The following MORN2 variants were observed in gnomAD, a reference collection of about 807,000 sequenced individuals.
MORN2 encodes the protein MORN repeat-containing protein 2.
In MORN2, 15 loss-of-function variants were observed where a neutral mutation model predicts 13.4. The ratio of observed to expected loss-of-function variants is 1.12; its 90% confidence interval spans 0.75 to 1.72. The LOEUF (loss-of-function observed/expected upper bound fraction) is 1.72. Among genes scored for constraint, MORN2 ranks in the 40% most tolerant of loss-of-function variants. The pLI is 0.00. For synonymous variants in MORN2, 46 were observed against 43.6 expected (o/e 1.06, Z -0.22); for missense variants, 168 against 134.6 (o/e 1.25, Z -1.23).
chr2:38,881,324 C>A, intron 3 of MORN2, 118 bp from the exon 4 acceptor site: 1 of 823,438 alleles, frequency 1.2e-6, no homozygotes, highest in Non-Finnish European at 1.9e-6. Context: ...AAATAAAGGA[C>A]AATACAAAGT....
intron 3 of MORN2, 88 bp downstream of exon 3, chr2:38,880,794 C>A (rs1350002538): frequency 7.2e-7 from 1 of 1,392,308 alleles, no homozygotes; most frequent in East Asian, 2.5e-5. Context: ...TCAAAAACTC[C>A]TATAATGAGT....
rs536026054 is a variant in MORN2, at chr2:38,881,668, T to A, written c.353+90T>A. ...AATACTTATTTATTTATTTATTTATTGAGACAGAGTCTCCCTCTGTCATCC... is the reference window on the plus strand; with the variant it reads ...AATACTTATTTATTTATTTATTTATAGAGACAGAGTCTCCCTCTGTCATCC... On this transcript the variant is annotated intron_variant, in intron 4 of 4. Transcript: ENST00000644631. The A allele has an allele frequency of 1.2e-5, 13 of 1,048,390 alleles. No individual in the cohort carries two copies. The East Asian group carries it at 3.3e-4, about 27-fold the overall frequency. The allele number at this position is 1,048,390 out of a possible 1,614,324, so 64.9% of individuals were successfully genotyped here.
At chr2:38,881,619 A>C (rs1443892478) in intron 4 of MORN2, 41 bp downstream of exon 4, 1 of 1,390,274 alleles carries the variant, frequency 7.2e-7, no homozygotes, top group African/African-American at 1.5e-5. Flanking sequence ...TTTCTAAAAG[A>C]TTATTTTCTG....
chr2:38,882,606 C>A lies in MORN2; in HGVS notation c.*91C>A. On this transcript the variant is annotated 3_prime_UTR_variant, in exon 5 of 5. Coordinates refer to ENST00000644631, the MANE Select transcript of MORN2 (RefSeq NM_001145450.3). The stretch of plus-strand genomic sequence containing the variant: ...ATCTGTTATTTGAAATGACTTCATA[C>A]ACTACCCCTATAAGTTTGCCAATAA... The A allele has an allele frequency of 1.2e-6, 1 of 861,986 alleles. No individual in the cohort carries two copies. The highest frequency in any genetic ancestry group is 1.8e-6 in the Non-Finnish European group (1 of 550,380). 53.4% of individuals were successfully genotyped at this position (861,986 alleles called of 1,614,324 possible).
At chr2:38,880,124 C>T (rs1421522816) in intron 1 of MORN2, 55 bp from the exon 2 acceptor site, 4 of 396,648 alleles carry the variant, frequency 1.0e-5, no homozygotes, top group Admixed American at 4.4e-5. Flanking sequence ...TGAAACCTTG[C>T]CTCTATCGAA....
chr2:38,876,560 G>C (rs1665631569), intron 1 of MORN2, among the ~76,000 whole-genome samples: 1 of 152,232 alleles, frequency 6.6e-6, no homozygotes, highest in Admixed American at 6.5e-5. Context: ...GAGTCGGACA[G>C]TGGGGTGAGA....
At chr2:38,881,984 T>G (rs1484966024) in intron 4 of MORN2, among the ~76,000 whole-genome samples, 1 of 152,248 alleles carries the variant, frequency 6.6e-6, no homozygotes, top group East Asian at 1.9e-4. Flanking sequence ...TTCTAAATAT[T>G]CTTTTATGAT....
intron 1 of MORN2, among the ~76,000 whole-genome samples, chr2:38,877,005 G>A (rs1251798023): frequency 2.0e-5 from 3 of 152,238 alleles, no homozygotes; most frequent in African/African-American, 7.2e-5. Flanking sequence ...TCTTGAGGAT[G>A]AATAGCAGTT....
At position 38,882,542 on chromosome 2, in the gene MORN2, G is replaced by A. The variant is rs1344468485; in HGVS notation, c.*27G>A. On this transcript the variant is annotated 3_prime_UTR_variant, in exon 5 of 5. Coordinates refer to ENST00000644631, the MANE Select transcript of MORN2 (RefSeq NM_001145450.3). ...TGTGATGTTAAATTAAAGTTGAAATGTAGTAATTGAAGCTTTTAGTTGTAA... is the reference window on the plus strand; with the variant it reads ...TGTGATGTTAAATTAAAGTTGAAATATAGTAATTGAAGCTTTTAGTTGTAA... The A allele has an allele frequency of 2.7e-6, 4 of 1,485,542 alleles. No homozygotes were observed. The highest frequency in any genetic ancestry group is 2.8e-5 in the African/African-American group (2 of 71,810). 92.0% of individuals were successfully genotyped at this position (1,485,542 alleles called of 1,614,324 possible).
chr2:38,881,666 A>T, intron 4 of MORN2, 88 bp downstream of exon 4: 1 of 1,083,294 alleles, frequency 9.2e-7, no homozygotes, highest in Middle Eastern at 3.2e-4. Flanking sequence ...TTATTTATTT[A>T]TTGAGACAGA....
intron 1 of MORN2, among the ~76,000 whole-genome samples, chr2:38,877,284 A>T (rs9808133): frequency 0.59 from 88,046 of 150,496 alleles, 26,659 homozygotes; most frequent in East Asian, 0.8. Flanking sequence ...ATAAATAAAT[A>T]AATAAATTAA....
intron 4 of MORN2, among the ~76,000 whole-genome samples, chr2:38,882,044 A>G (rs933450899): frequency 1.3e-5 from 2 of 152,238 alleles, no homozygotes; most frequent in South Asian, 2.1e-4. Flanking sequence ...CAGCACCTCA[A>G]ACATCATTGA....
rs143014654 is a variant in MORN2 at position 38,880,846 on chromosome 2, A to G, written c.216+140A>G. The G allele has an allele frequency of 1.2e-4, 110 of 939,418 alleles. No homozygotes were observed. In the East Asian group the frequency reaches 3.1e-3, roughly 26 times the overall value. The allele number at this position is 939,418 out of a possible 1,614,324, so 58.2% of individuals were successfully genotyped here. ...ATAACAAATGATCATATTAACATAT[A>G]TTAACTTATGAGTAATATTAAACTC... is the stretch of plus-strand genomic sequence containing the variant. On this transcript the variant is annotated intron_variant, in intron 3 of 4. Coordinates refer to ENST00000644631, the MANE Select transcript of MORN2 (RefSeq NM_001145450.3).
chr2:38,877,065 C>G (rs1665649509), intron 1 of MORN2, among the ~76,000 whole-genome samples: 1 of 152,128 alleles, frequency 6.6e-6, no homozygotes, highest in Non-Finnish European at 1.5e-5. Context: ...GGCATGGCAT[C>G]TGTGGGAAAC....
At position 38,882,436 on chromosome 2, in the gene MORN2, C is replaced by T; in HGVS notation, c.377C>T (p.Thr126Ile). The T allele has an allele frequency of 1.3e-6, 2 of 1,550,140 alleles. No homozygotes were observed. The highest frequency in any genetic ancestry group is 1.7e-4 in the Middle Eastern group (1 of 5,990). Residue 126 changes from threonine (T) to isoleucine (I), a missense_variant, in exon 5 of 5, where the codon ACT becomes ATT. Coordinates refer to ENST00000644631, the MANE Select transcript of MORN2 (RefSeq NM_001145450.3). ...AGGGTGGAAGGTGAAGGGGAATATA[C>T]TGATATCCAAGGACTAGAATGGAGT... is the stretch of plus-strand genomic sequence containing the variant.
intron 1 of MORN2, among the ~76,000 whole-genome samples, chr2:38,877,582 C>G (rs1207203278): frequency 4.6e-5 from 7 of 152,028 alleles, no homozygotes; most frequent in Non-Finnish European, 8.8e-5. Context: ...TGCTCTCTAT[C>G]CTCCACACCA....
At chr2:38,879,051 A>G (rs1285164228) in intron 1 of MORN2, among the ~76,000 whole-genome samples, 1 of 152,188 alleles carries the variant, frequency 6.6e-6, no homozygotes, top group East Asian at 1.9e-4. Context: ...TCTGAGGCCC[A>G]GAGTCCCCCT....
chr2:38,878,526 T>C (rs1433934402), intron 1 of MORN2, among the ~76,000 whole-genome samples: 2 of 152,152 alleles, frequency 1.3e-5, no homozygotes. Flanking sequence ...TCTTTTTTTT[T>C]AATTAAAAAA....
chr2:38,880,566 C>A, intron 2 of MORN2, 34 bp from the exon 3 acceptor site: 1 of 1,405,662 alleles, frequency 7.1e-7, no homozygotes, highest in South Asian at 1.4e-5. Context: ...TAACTATTCT[C>A]ATTTATAATC....
Sources: allele counts gnomAD v4.1 joint callset (sites outside exome capture counted in the v4.1 genomes callset), GRCh38; gene constraint gnomAD v4.1.1; transcripts MANE v1.5; gene names NCBI Gene and HGNC (gene_info 2026-07-23, HGNC 2026-07-21).